The following ENTHD1 variants were observed in gnomAD, a reference collection of about 807,000 sequenced individuals.
ENTHD1 encodes ENTH domain-containing protein 1.
ENTHD1 carries 23 observed loss-of-function variants against 39.1 expected under a neutral mutation model. That is an observed-to-expected ratio of 0.59 (90% confidence interval 0.42 to 0.83). The LOEUF (loss-of-function observed/expected upper bound fraction) is 0.83. Ranked by LOEUF, ENTHD1 falls within the 40% of genes least tolerant of loss-of-function variation. ENTHD1 has a pLI of 0.00. For synonymous variants in ENTHD1, 230 were observed against 258.2 expected (o/e 0.89, Z 1.05); for missense variants, 624 against 705.4 (o/e 0.88, Z 1.31).
intron 5 of ENTHD1, among the ~76,000 whole-genome samples, chr22:39,793,760 G>GT (rs2065524342): frequency 6.6e-6 from 1 of 152,146 alleles, no homozygotes; most frequent in African/African-American, 2.4e-5. Context: ...TTGAAAATCA[G>GT]TTGGCTGTAA....
chr22:39,797,993 G>T (rs184282726), intron 5 of ENTHD1, among the ~76,000 whole-genome samples: 12 of 152,214 alleles, frequency 7.9e-5, no homozygotes, highest in African/African-American at 2.9e-4. Flanking sequence ...GACTTAGAAA[G>T]TTTTCAGCTA....
chr22:39,884,457 G>A (rs951456802), intron 2 of ENTHD1, among the ~76,000 whole-genome samples: 12 of 152,054 alleles, frequency 7.9e-5, no homozygotes, highest in African/African-American at 2.9e-4. Context: ...TGGGATTATA[G>A]GCGTGAGTCA....
At chr22:39,781,748 A>T (rs1190823490) in intron 5 of ENTHD1, among the ~76,000 whole-genome samples, 3 of 152,238 alleles carry the variant, frequency 2.0e-5, no homozygotes, top group Non-Finnish European at 4.4e-5. Flanking sequence ...GATAAAAAAA[A>T]ATTGACAAAC....
At position 39,849,289 on chromosome 22, in the gene ENTHD1, C is replaced by T. The variant is rs573334155; in HGVS notation, c.592+12476G>A. Among the ~76,000 whole-genome samples, 5 of 152,298 alleles carry T rather than the reference C, an allele frequency of 3.3e-5. No homozygotes were observed. The East Asian group carries it at 9.6e-4, about 29-fold the overall frequency. On this transcript the variant is annotated intron_variant, in intron 3 of 6. Transcript: ENST00000325157. ...TGAATCAGCGGTTCTCTACTGGGAA[C>T]AATTTGGCCCCCAGGGGACATTTGG...
chr22:39,847,068 C>T (rs1483187121), intron 3 of ENTHD1, among the ~76,000 whole-genome samples: 1 of 152,068 alleles, frequency 6.6e-6, no homozygotes, highest in African/African-American at 2.4e-5. Context: ...GACACATGCA[C>T]ACGTATGTTT....
At chr22:39,833,846 A>G (rs192339966) in intron 4 of ENTHD1, among the ~76,000 whole-genome samples, 60 of 151,442 alleles carry the variant, frequency 4.0e-4, no homozygotes, top group Non-Finnish European at 5.9e-4. Flanking sequence ...CCCATGGGTG[A>G]GAAAGAGGAA....
rs536756711 is a variant in ENTHD1 at position 39,756,066 on chromosome 22, G to A, written c.1219+9157C>T. ...TAAAGGGACATTCGATTTATTCTCCGATCTCCCTCTAGGACTGGGAGCTTT... is the reference window on the plus strand; with the variant it reads ...TAAAGGGACATTCGATTTATTCTCCAATCTCCCTCTAGGACTGGGAGCTTT... On this transcript the variant is annotated intron_variant, in intron 6 of 6. Transcript: ENST00000325157. Among the ~76,000 whole-genome samples the A allele has an allele frequency of 3.3e-5, 5 of 152,150 alleles. No individual in the cohort carries two copies. In the East Asian group the frequency reaches 5.8e-4, roughly 18 times the overall value.
intron 5 of ENTHD1, among the ~76,000 whole-genome samples, chr22:39,770,010 C>T (rs1022871426): frequency 8.5e-5 from 13 of 152,116 alleles, no homozygotes; most frequent in Non-Finnish European, 1.5e-5. Context: ...GGGACAGCAT[C>T]TTCATTCAAA....
intron 5 of ENTHD1, among the ~76,000 whole-genome samples, chr22:39,803,137 T>C (rs1056481008): frequency 1.3e-5 from 2 of 152,132 alleles, no homozygotes; most frequent in Non-Finnish European, 2.9e-5. Context: ...CCCACAAGAC[T>C]TCCGCTGCCC....
At chr22:39,757,283 T>C (rs1262574406) in intron 6 of ENTHD1, among the ~76,000 whole-genome samples, 1 of 152,244 alleles carries the variant, frequency 6.6e-6, no homozygotes, top group African/African-American at 2.4e-5. Flanking sequence ...TGTTGTTTGT[T>C]TTTTGAGATA....
chr22:39,842,987 T>C (rs1455062441), intron 3 of ENTHD1, among the ~76,000 whole-genome samples: 15 of 150,120 alleles, frequency 1.0e-4, no homozygotes, highest in Admixed American at 8.6e-4. Flanking sequence ...TGTGGAGAAA[T>C]AGGAACACTT....
chr22:39,820,091 T>C (rs2065769972), intron 5 of ENTHD1, among the ~76,000 whole-genome samples: 1 of 152,210 alleles, frequency 6.6e-6, no homozygotes, highest in African/African-American at 2.4e-5. Flanking sequence ...TTGTGTTTAT[T>C]AAAATATCCT....
intron 4 of ENTHD1, among the ~76,000 whole-genome samples, chr22:39,834,740 G>A (rs1042859090): frequency 2.0e-5 from 3 of 152,150 alleles, no homozygotes; most frequent in African/African-American, 7.2e-5. Flanking sequence ...TTCAATGAAT[G>A]AATGGTTGAA....
At chr22:39,831,834 AAAAC>A (rs912495701) in intron 4 of ENTHD1, among the ~76,000 whole-genome samples, 2 of 152,176 alleles carry the variant, frequency 1.3e-5, no homozygotes, top group Non-Finnish European at 2.9e-5. Context: ...CTCAAAAAAC[AAAAC>A]AAACAAACAA....
chr22:39,883,396 T>G (rs2066355306), intron 2 of ENTHD1, among the ~76,000 whole-genome samples: 1 of 152,044 alleles, frequency 6.6e-6, no homozygotes, highest in African/African-American at 2.4e-5. Flanking sequence ...TACAAATGCA[T>G]AAAAAGACAA....
At chr22:39,749,519 T>A (rs2065132160) in intron 6 of ENTHD1, among the ~76,000 whole-genome samples, 1 of 152,238 alleles carries the variant, frequency 6.6e-6, no homozygotes, top group South Asian at 2.1e-4. Flanking sequence ...CTGAGAAATT[T>A]CTAGAAATAA....
Position 39,861,871 on chromosome 22 carries a change from A to G in ENTHD1, c.486T>C (p.Leu162=). 1.2e-6 allele frequency: 2 copies of G among 1,606,118 alleles called. No homozygotes were observed. Among genetic ancestry groups the G allele is most frequent in the South Asian group, 1.1e-5 (1 of 89,904 alleles). ...ACGCTGTCAGTGAGTTACTTGAACCAAGTTGTCTTTTAGAAAACAATATAG... is the reference window on the plus strand; with the variant it reads ...ACGCTGTCAGTGAGTTACTTGAACCGAGTTGTCTTTTAGAAAACAATATAG... The part of the protein sequence containing the change: ...SHSILFSKRQ[L]GSSNSLTACT... The change falls in exon 3 of 7, where the codon CTT becomes CTC. Residue 162 remains leucine (L), a synonymous_variant. Transcript: ENST00000325157.
At chr22:39,748,459 T>A (rs981552400) in intron 6 of ENTHD1, among the ~76,000 whole-genome samples, 2 of 152,140 alleles carry the variant, frequency 1.3e-5, no homozygotes, top group African/African-American at 2.4e-5. Context: ...TCTCGCTCTG[T>A]TGCCCAGGCT....
chr22:39,875,936 G>A, intron 2 of ENTHD1: 2 of 1,613,980 alleles, frequency 1.2e-6, no homozygotes, highest in South Asian at 2.2e-5. Context: ...CCTGATAGGT[G>A]TTTGCACTCA....
Sources: allele counts gnomAD v4.1 joint callset (sites outside exome capture counted in the v4.1 genomes callset), GRCh38; gene constraint gnomAD v4.1.1; transcripts MANE v1.5; gene names NCBI Gene and HGNC (gene_info 2026-07-23, HGNC 2026-07-21).